Variants in DSCAM observed in about 807,000 individuals in gnomAD.
The protein encoded by DSCAM is cell adhesion molecule DSCAM.
A neutral mutation model predicts 217.7 loss-of-function variants in DSCAM; 47 were observed. The observed-to-expected ratio is 0.22, with a 90% CI of 0.17 to 0.28. DSCAM has a LOEUF of 0.28. Among genes scored for constraint, DSCAM ranks in the 10% least tolerant of loss-of-function variants. The pLI, the probability that DSCAM is intolerant of heterozygous loss-of-function variation, is 1.00. For missense variants in DSCAM, 2,080 were observed against 2,618.3 expected (o/e 0.79, Z 4.49); for synonymous variants, 1,056 against 1,015.3 (o/e 1.04, Z -0.76).
At chr21:40,342,745 CTTTTTT>C (rs1217476912) in intron 6 of DSCAM, among the ~76,000 whole-genome samples, 2 of 67,134 alleles carry the variant, frequency 3.0e-5, no homozygotes, top group East Asian at 9.9e-4. Context: ...CACACCACGC[CTTTTTT>C]TTTTTTTTTT....
At chr21:40,360,744 T>C (rs1367345077) in intron 4 of DSCAM, among the ~76,000 whole-genome samples, 1 of 152,210 alleles carries the variant, frequency 6.6e-6, no homozygotes. Flanking sequence ...TTTCATGTCT[T>C]TGCTATTGTG....
At chr21:40,621,397 C>A (rs1416954269) in intron 3 of DSCAM, 1 of 152,124 alleles carries the variant, frequency 6.6e-6, no homozygotes, top group Non-Finnish European at 1.5e-5. Flanking sequence ...GGTGAGATTT[C>A]ATTCTGAGGC....
chr21:40,012,739 T>TC lies in DSCAM; in HGVS notation c.*294dup, dbSNP rs60564669. The TC allele has an allele frequency of 1.2e-4, 23 of 193,874 alleles. No homozygotes were observed. Among genetic ancestry groups the TC allele is most frequent in the African/African-American group, 4.0e-4 (17 of 42,828 alleles). The allele number at this position is 193,874 out of a possible 1,614,324, so 12.0% of individuals were successfully genotyped here. On this transcript the variant is annotated 3_prime_UTR_variant, in exon 33 of 33. Transcript: ENST00000400454. ...ACTTCCAGTCAGAAGGTTTAATTAA[T>TC]CCCCCCCATGCACTTTTGTAGAAAA...
intron 19 of DSCAM, 129 bp from the exon 20 acceptor site, chr21:40,124,457 G>T: frequency 8.5e-7 from 1 of 1,181,270 alleles, no homozygotes; most frequent in Non-Finnish European, 1.2e-6. Flanking sequence ...GGGTTCCGCT[G>T]TGTCCCCCCA....
chr21:40,328,752 G>T (rs1032795533), intron 8 of DSCAM, among the ~76,000 whole-genome samples: 1 of 152,072 alleles, frequency 6.6e-6, no homozygotes, highest in Non-Finnish European at 1.5e-5. Flanking sequence ...TCTGATAAAA[G>T]GTTACTATCC....
intron 3 of DSCAM, among the ~76,000 whole-genome samples, chr21:40,409,648 C>T (rs544781638): frequency 1.3e-5 from 2 of 152,274 alleles, no homozygotes; most frequent in South Asian, 2.1e-4. Context: ...GGAGCTCATA[C>T]AGAGGTGGGA....
chr21:40,264,236 G>A (rs1437048990), intron 11 of DSCAM, among the ~76,000 whole-genome samples: 1 of 152,072 alleles, frequency 6.6e-6, no homozygotes, highest in Non-Finnish European at 1.5e-5. Flanking sequence ...AGCCAGGAGA[G>A]GACATAACAA....
chr21:40,051,718 T>C (rs2088934712), intron 30 of DSCAM, among the ~76,000 whole-genome samples: 1 of 152,192 alleles, frequency 6.6e-6, no homozygotes, highest in Non-Finnish European at 1.5e-5. Flanking sequence ...AATAAATACA[T>C]GTACCTGAAA....
intron 3 of DSCAM, among the ~76,000 whole-genome samples, chr21:40,588,583 T>C (rs970405317): frequency 2.6e-5 from 4 of 152,204 alleles, no homozygotes; most frequent in Admixed American, 6.5e-5. Flanking sequence ...TGTTTTACTA[T>C]AGATTCATAA....
At position 40,117,770 on chromosome 21, in the gene DSCAM, G is replaced by T. The variant is rs190221685; in HGVS notation, c.3696+6425C>A. Among the ~76,000 whole-genome samples, 8 of 152,286 alleles carry T rather than the reference G, an allele frequency of 5.3e-5. No individual in the cohort carries two copies. In the East Asian group the frequency reaches 1.5e-3, roughly 29 times the overall value. Reference sequence around the variant, plus strand: ...TTATAACTTATATTTTCTATCGTGGGTCACCATAGGGCAAGTTCAAAAACC... The same window carrying T: ...TTATAACTTATATTTTCTATCGTGGTTCACCATAGGGCAAGTTCAAAAACC... On this transcript the variant is annotated intron_variant, in intron 20 of 32. Transcript: ENST00000400454.
At chr21:40,504,103 C>A (rs73902650) in intron 3 of DSCAM, among the ~76,000 whole-genome samples, 64 of 152,154 alleles carry the variant, frequency 4.2e-4, no homozygotes, top group African/African-American at 1.3e-3. Context: ...ACTGTTCTAT[C>A]TGGCCAGCTC....
At chr21:40,553,092 G>C in intron 3 of DSCAM, among the ~76,000 whole-genome samples, 1 of 152,236 alleles carries the variant, frequency 6.6e-6, no homozygotes, top group East Asian at 1.9e-4. Flanking sequence ...ATAACAAACC[G>C]TTTAACAATC....
intron 2 of DSCAM, among the ~76,000 whole-genome samples, chr21:40,697,994 T>A (rs965354310): frequency 2.6e-5 from 4 of 152,216 alleles, no homozygotes; most frequent in African/African-American, 9.6e-5. Flanking sequence ...TGTGTGTGTG[T>A]CCTCTTCAAT....
Position 40,497,177 on chromosome 21 carries a change from G to A in DSCAM, c.509-127932C>T, listed in dbSNP as rs2076125616. ...AGGCTGTGAATTAAATCAGCGTATC[G>A]AAGAGATATCTCCACCTCCATGTTC... On this transcript the variant is annotated intron_variant, in intron 3 of 32. Transcript: ENST00000400454. 4.6e-5 allele frequency among the ~76,000 whole-genome samples: 7 copies of A among 152,216 alleles called. No homozygotes were observed. The South Asian group carries it at 1.2e-3, about 27-fold the overall frequency.
At chr21:40,754,053 G>A (rs1427578908) in intron 1 of DSCAM, among the ~76,000 whole-genome samples, 1 of 152,144 alleles carries the variant, frequency 6.6e-6, no homozygotes, top group African/African-American at 2.4e-5. Context: ...TGACAGCAAT[G>A]GCAAGAAACA....
intron 3 of DSCAM, among the ~76,000 whole-genome samples, chr21:40,382,681 A>C (rs2123733764): frequency 6.6e-6 from 1 of 152,200 alleles, no homozygotes; most frequent in Non-Finnish European, 1.5e-5. Flanking sequence ...CTCCCACTCC[A>C]CTGCCTTTTG....
At chr21:40,139,123 T>C (rs1053060710) in intron 18 of DSCAM, among the ~76,000 whole-genome samples, 2 of 150,612 alleles carry the variant, frequency 1.3e-5, no homozygotes, top group Non-Finnish European at 3.0e-5. Flanking sequence ...TGTGTGTATG[T>C]GTGGTGTGTA....
intron 26 of DSCAM, 109 bp from the exon 27 acceptor site, chr21:40,075,322 G>T: frequency 8.3e-7 from 1 of 1,204,324 alleles, no homozygotes; most frequent in Non-Finnish European, 1.2e-6. Context: ...GGGTGTTGGA[G>T]GTGATGAGAA....
rs1195488516 is a variant in DSCAM, at chr21:40,381,896, G to A, written c.509-12651C>T. On this transcript the variant is annotated intron_variant, in intron 3 of 32. Coordinates refer to ENST00000400454, the MANE Select transcript of DSCAM (RefSeq NM_001389.5). ...AAATAGTGGTGATAAATATTCTGCA[G>A]CTTGTTTCAGTACACCTGTGCATAC... Among the ~76,000 whole-genome samples the A allele has an allele frequency of 2.6e-5, 4 of 152,302 alleles. No homozygotes were observed. In the East Asian group the frequency reaches 7.7e-4, roughly 29 times the overall value.
Sources: gnomAD v4.1 joint callset for allele counts (sites outside exome capture counted in the v4.1 genomes callset) on GRCh38, gnomAD v4.1.1 for gene constraint, MANE v1.5 for transcripts, NCBI Gene and HGNC (gene_info 2026-07-23, HGNC 2026-07-21) for gene names.